Variants in HOATZ observed in about 807,000 individuals in gnomAD.
HOATZ encodes cilia- and flagella-associated protein HOATZ.
HOATZ carries 26 observed loss-of-function variants against 24.9 expected under a neutral mutation model. The observed-to-expected ratio is 1.04, with a 90% confidence interval of 0.76 to 1.45. The LOEUF (loss-of-function observed/expected upper bound fraction) is 1.45. HOATZ is among the 40% of genes most tolerant of loss of function. The pLI is 0.00. For synonymous variants in HOATZ, 83 were observed against 76.6 expected (o/e 1.08, Z -0.43); for missense variants, 226 against 201.5 (o/e 1.12, Z -0.74).
chr11:111,515,986 G>A, intron 2 of HOATZ, 54 bp from the exon 3 acceptor site: 1 of 1,171,520 alleles, frequency 8.5e-7, no homozygotes, highest in Middle Eastern at 2.6e-4. Context: ...ATCAATTTTA[G>A]TATAAAATCA....
chr11:111,515,816 A>G (rs1039326254), intron 2 of HOATZ, among the ~76,000 whole-genome samples: 2 of 152,184 alleles, frequency 1.3e-5, no homozygotes, highest in Non-Finnish European at 2.9e-5. Flanking sequence ...ACTCGAGCTT[A>G]CTCATCATCT....
At chr11:111,517,280 AG>A (rs1337783967) in intron 3 of HOATZ, among the ~76,000 whole-genome samples, 2 of 152,226 alleles carry the variant, frequency 1.3e-5, no homozygotes, top group Non-Finnish European at 2.9e-5. Flanking sequence ...CCTAATTTTC[AG>A]TGAATTAAAA....
chr11:111,527,707 C>T (rs1216315699), intron 3 of HOATZ, among the ~76,000 whole-genome samples: 3 of 152,150 alleles, frequency 2.0e-5, no homozygotes, highest in Admixed American at 2.0e-4. Context: ...GTTGTAGAAT[C>T]AACATAGCAG....
intron 2 of HOATZ, 39 bp from the exon 3 acceptor site, chr11:111,516,001 A>G: frequency 7.7e-7 from 1 of 1,305,400 alleles, no homozygotes; most frequent in Non-Finnish European, 1.1e-6. Flanking sequence ...AAATCATAAT[A>G]AAATTATTTC....
At chr11:111,526,844 A>G (rs1442387769) in intron 3 of HOATZ, 1 of 152,224 alleles carries the variant, frequency 6.6e-6, no homozygotes, top group African/African-American at 2.4e-5. Flanking sequence ...TGAGGTCAGT[A>G]TCATTCACCC....
intron 4 of HOATZ, among the ~76,000 whole-genome samples, chr11:111,534,173 A>G (rs576192574): frequency 6.6e-6 from 1 of 152,248 alleles, no homozygotes; most frequent in African/African-American, 2.4e-5. Context: ...AAACAAACCT[A>G]ATAAAAATAG....
chr11:111,534,680 G>A, intron 5 of HOATZ: 1 of 536,676 alleles, frequency 1.9e-6, no homozygotes. Context: ...ATAAGTTAGT[G>A]CAAAATGGAA....
chr11:111,534,933 T>A (rs919226599), intron 5 of HOATZ: 5 of 157,398 alleles, frequency 3.2e-5, no homozygotes, highest in Non-Finnish European at 5.6e-5. Context: ...GGAATAATGT[T>A]AGAGCAGGAC....
chr11:111,536,289 A>G (rs1867449708), intron 5 of HOATZ: 1 of 152,924 alleles, frequency 6.5e-6, no homozygotes, highest in Non-Finnish European at 1.5e-5. Context: ...CAATTGTAAA[A>G]TAACTCCCCT....
chr11:111,534,435 T>G lies in HOATZ; in HGVS notation c.423T>G (p.Tyr141Ter). Reference protein sequence around the residue: ...RISKELISLPYKPKAKEHKAK... With the variant: ...RISKELISLP The stretch of plus-strand genomic sequence containing the variant: ...AGAAAGAACTGATTTCCCTTCCGTA[T>G]AAACCAAAAGCCAAAGAACACAAAG... Residue 141 changes from tyrosine (Y) to a stop codon, truncating the protein, a stop_gained, in exon 5 of 6, where the codon TAT becomes TAG. Coordinates refer to ENST00000375618, the MANE Select transcript of HOATZ (RefSeq NM_001100388.2). LOFTEE classifies it high-confidence loss of function. The G allele has an allele frequency of 6.2e-7, 1 of 1,612,384 alleles. No homozygotes were observed. Among genetic ancestry groups the G allele is most frequent in the Non-Finnish European group, 8.5e-7 (1 of 1,178,468 alleles).
chr11:111,535,312 C>G (rs1867439183), intron 5 of HOATZ: 1 of 152,168 alleles, frequency 6.6e-6, no homozygotes, highest in Non-Finnish European at 1.5e-5. Context: ...TAATTTCTCG[C>G]TTTTTAGCCA....
chr11:111,519,017 C>A (rs768825057), intron 3 of HOATZ: 6 of 456,104 alleles, frequency 1.3e-5, no homozygotes, highest in South Asian at 9.3e-5. Flanking sequence ...AGATTACAGG[C>A]ACCATAGTGT....
At chr11:111,536,604 C>G in intron 5 of HOATZ, 166 bp from the exon 6 acceptor site, 2 of 585,134 alleles carry the variant, frequency 3.4e-6, no homozygotes, top group South Asian at 4.2e-5. Flanking sequence ...AATATCATAA[C>G]CACTTCTCTC....
intron 3 of HOATZ, among the ~76,000 whole-genome samples, chr11:111,527,512 C>T (rs1163658159): frequency 1.3e-5 from 2 of 152,086 alleles, no homozygotes; most frequent in African/African-American, 4.8e-5. Flanking sequence ...ATTAATAATC[C>T]TGTAACATCT....
rs554268736 is a variant in HOATZ, at chr11:111,520,369, AT to A, written c.339+4260del. ...TATGTAAATGACAGATTTGGAAATG[AT>A]CTGTATTCAAAGTTTTAACATGAAT... On this transcript the variant is annotated intron_variant, in intron 3 of 5. Transcript: ENST00000375618. 3.1e-3 allele frequency among the ~76,000 whole-genome samples: 467 copies of A among 152,344 alleles called. 5 individuals carry two copies. Among genetic ancestry groups the A allele is most frequent in the East Asian group, 2.3e-3 (12 of 5,190 alleles).
chr11:111,533,913 C>T, intron 4 of HOATZ, 108 bp downstream of exon 4: 2 of 750,464 alleles, frequency 2.7e-6, no homozygotes, highest in Non-Finnish European at 4.1e-6. Context: ...AGCTATAGTC[C>T]AGAGCCATTG....
At chr11:111,515,681 A>C in intron 2 of HOATZ, 129 bp downstream of exon 2, 1 of 763,666 alleles carries the variant, frequency 1.3e-6, no homozygotes, top group Admixed American at 2.3e-5. Context: ...GTCCCTGCTC[A>C]GGGACCACCC....
At chr11:111,534,384 T>C (rs1591559210) in intron 4 of HOATZ, 28 bp from the exon 5 acceptor site, 1 of 1,573,794 alleles carries the variant, frequency 6.4e-7, no homozygotes. Flanking sequence ...AATTTTACCT[T>C]TTTGATTTTT....
In HOATZ at chr11:111,514,803, G is replaced by C; in HGVS notation, c.19G>C (p.Glu7Gln). 6.2e-7 allele frequency: 1 copy of C among 1,613,974 alleles called. No individual in the cohort carries two copies. Among genetic ancestry groups the C allele is most frequent in the Non-Finnish European group, 8.5e-7 (1 of 1,179,954 alleles). The change falls in exon 1 of 6, where the codon GAA becomes CAA. Residue 7 changes from glutamate to glutamine, a missense_variant. By Grantham distance (29) the Glu-to-Gln change is conservative. Coordinates refer to ENST00000375618, the MANE Select transcript of HOATZ (RefSeq NM_001100388.2). ...AGTTGCCATGGAAACGGGACCCAGC[G>C]AAGAACCTAGCGGCCGAAAAGAGTC... METGPS[E>Q]EPSGRKESQE...
Sources: allele counts gnomAD v4.1 joint callset (sites outside exome capture counted in the v4.1 genomes callset), GRCh38; gene constraint gnomAD v4.1.1; transcripts MANE v1.5; gene names NCBI Gene and HGNC (gene_info 2026-07-23, HGNC 2026-07-21).